NECAB2: variants seen among roughly 807,000 people sequenced by gnomAD.
NECAB2 encodes N-terminal EF-hand calcium-binding protein 2.
In NECAB2, 68 loss-of-function variants were observed where a neutral mutation model predicts 51.9. The ratio of observed to expected loss-of-function variants is 1.31; its 90% CI spans 1.08 to 1.60. NECAB2 has a LOEUF of 1.60. NECAB2 is among the 40% of genes most tolerant of loss of function. The pLI, the probability that NECAB2 is intolerant of heterozygous loss-of-function variation, is 0.00. For synonymous variants in NECAB2, 329 were observed against 203.5 expected (o/e 1.62, Z -5.25); for missense variants, 854 against 490.3 (o/e 1.74, Z -7.00).
At chr16:83,984,005 T>TG (rs1597208399) in intron 5 of NECAB2, among the ~76,000 whole-genome samples, 1 of 150,250 alleles carries the variant, frequency 6.7e-6, no homozygotes, top group African/African-American at 2.4e-5. Context: ...GGTTTTTTTT[T>TG]TTTTTTTTTT....
At chr16:84,001,788 C>T (rs761582131) in intron 11 of NECAB2, 37 bp from the exon 12 acceptor site, 6 of 1,609,948 alleles carry the variant, frequency 3.7e-6, no homozygotes, top group South Asian at 1.1e-5. Context: ...AGCTCCACTC[C>T]TGCCACCCCT....
chr16:83,998,388 G>C, intron 10 of NECAB2, 71 bp downstream of exon 10: 12 of 1,440,876 alleles, frequency 8.3e-6, no homozygotes, highest in South Asian at 1.2e-5. Context: ...GAACAGGGCA[G>C]GACTAGGCTT....
At chr16:83,975,898 C>A (rs544659955) in intron 2 of NECAB2, among the ~76,000 whole-genome samples, 4 of 152,164 alleles carry the variant, frequency 2.6e-5, no homozygotes, top group African/African-American at 9.7e-5. Context: ...TGGGGGCCTA[C>A]GTAGGGCATG....
Position 83,994,360 on chromosome 16 carries a change from C to T in NECAB2, c.655C>T (p.Pro219Ser), listed in dbSNP as rs1351534417. The part of the protein sequence containing the change: ...AAQTWCGSPT[P>S]ASAPNHKLMA... ...ACAGACCTGGTGTGGAAGCCCCACT[C>T]CCGCCTCTGCCCCCAACCACAAGCT... Residue 219 changes from proline (P) to serine (S), a missense_variant, in exon 7 of 13, where the codon CCC (proline) becomes TCC (serine). Pro to Ser is a moderately conservative substitution (Grantham distance 74). Coordinates refer to ENST00000305202, the MANE Select transcript of NECAB2 (RefSeq NM_019065.3). 7 of 1,614,202 alleles carry T rather than the reference C, an allele frequency of 4.3e-6. No individual in the cohort carries two copies. Among genetic ancestry groups the T allele is most frequent in the Non-Finnish European group, 5.9e-6 (7 of 1,180,038 alleles).
chr16:84,002,099 G>A (rs1220828836), intron 12 of NECAB2, among the ~76,000 whole-genome samples, 183 bp downstream of exon 12: 2 of 152,194 alleles, frequency 1.3e-5, no homozygotes, highest in Non-Finnish European at 2.9e-5. Flanking sequence ...ATGCCTGCCA[G>A]AGCTTGCACC....
chr16:84,000,322 G>C (rs1021650686), intron 10 of NECAB2, among the ~76,000 whole-genome samples: 2 of 150,020 alleles, frequency 1.3e-5, no homozygotes, highest in African/African-American at 2.5e-5. Flanking sequence ...CTGAGCCCAG[G>C]AGTTAAAGAC....
At chr16:84,000,391 AGTG>A (rs1222430607) in intron 10 of NECAB2, among the ~76,000 whole-genome samples, 1 of 151,222 alleles carries the variant, frequency 6.6e-6, no homozygotes, top group African/African-American at 2.5e-5. Context: ...AATTAGGCCG[AGTG>A]GTGCACTCCT....
At chr16:83,991,558 G>T (rs1459307402) in intron 6 of NECAB2, among the ~76,000 whole-genome samples, 2 of 151,100 alleles carry the variant, frequency 1.3e-5, no homozygotes, top group Non-Finnish European at 3.0e-5. Context: ...GTAGAGATGG[G>T]GTTTCACCAT....
At chr16:83,966,876 GT>G (rs990294189), upstream of NECAB2, among the ~76,000 whole-genome samples, 10 of 151,644 alleles carry the variant, frequency 6.6e-5, no homozygotes, top group Non-Finnish European at 8.8e-5. Context: ...TAGCAGTGCA[GT>G]TTTTTTTTCT....
At chr16:83,966,348 G>A, upstream of NECAB2, 1 of 342,646 alleles carries the variant, frequency 2.9e-6, no homozygotes, top group Non-Finnish European at 5.3e-6. Context: ...TGCGTCTGAG[G>A]ACTCTGTGCT....
chr16:84,000,848 G>T (rs540672557), intron 11 of NECAB2, 47 bp downstream of exon 11: 15 of 1,565,746 alleles, frequency 9.6e-6, no homozygotes, highest in East Asian at 6.9e-5. Flanking sequence ...AGAGGGAAGT[G>T]GGGGGGCTGT....
chr16:84,000,987 G>A (rs373725216), intron 11 of NECAB2, among the ~76,000 whole-genome samples, 186 bp downstream of exon 11: 4 of 151,402 alleles, frequency 2.6e-5, no homozygotes, highest in Non-Finnish European at 4.4e-5. Context: ...TTGGTGGGTA[G>A]TGAGAGCCCC....
At chr16:84,002,235 C>A in intron 12 of NECAB2, 83 bp from the exon 13 acceptor site, 1 of 1,520,800 alleles carries the variant, frequency 6.6e-7, no homozygotes, top group Non-Finnish European at 9.1e-7. Context: ...CATCCCCCGA[C>A]CTGTCATTCA....
intron 6 of NECAB2, among the ~76,000 whole-genome samples, chr16:83,992,035 A>G (rs1465183362): frequency 6.6e-6 from 1 of 152,168 alleles, no homozygotes; most frequent in African/African-American, 2.4e-5. Flanking sequence ...CCGTAAGTGA[A>G]GTAACTGTAA....
At position 84,001,793 on chromosome 16, in the gene NECAB2, A is replaced by C. The variant is rs2084841521; in HGVS notation, c.1041-32A>C. The C allele has an allele frequency of 2.5e-6, 4 of 1,611,538 alleles. No individual in the cohort carries two copies. The South Asian group carries it at 3.3e-5, about 13-fold the overall frequency. On this transcript the variant is annotated intron_variant, in intron 11 of 12. Coordinates refer to ENST00000305202, the MANE Select transcript of NECAB2 (RefSeq NM_019065.3). ...CCACACGCGGAGCTCCACTCCTGCCACCCCTGACTCACACATGTCCCTGCG... is the reference window on the plus strand; with the variant it reads ...CCACACGCGGAGCTCCACTCCTGCCCCCCCTGACTCACACATGTCCCTGCG...
intron 9 of NECAB2, among the ~76,000 whole-genome samples, chr16:83,997,556 C>T (rs559480954): frequency 1.5e-4 from 19 of 124,770 alleles, no homozygotes; most frequent in Admixed American, 5.2e-4. Context: ...GGTGGGATGT[C>T]GGCTTACTGC....
At chr16:83,965,827 G>C (rs1422308182), upstream of NECAB2, 1 of 1,613,048 alleles carries the variant, frequency 6.2e-7, no homozygotes, top group South Asian at 1.1e-5. Context: ...ATCCTGACCA[G>C]CCGCTGAGCG....
chr16:83,974,262 G>A (rs144307683), intron 2 of NECAB2, among the ~76,000 whole-genome samples: 3 of 152,226 alleles, frequency 2.0e-5, no homozygotes, highest in Non-Finnish European at 2.9e-5. Context: ...GCCGCGTACC[G>A]GCTCTGGCCT....
intron 7 of NECAB2, 25 bp from the exon 8 acceptor site, chr16:83,994,584 C>A: frequency 6.2e-7 from 1 of 1,613,846 alleles, no homozygotes; most frequent in South Asian, 1.1e-5. Context: ...CCACTGAAGT[C>A]TGTGTGTCTC....
Sources: allele counts gnomAD v4.1 joint callset (sites outside exome capture counted in the v4.1 genomes callset), GRCh38; gene constraint gnomAD v4.1.1; transcripts MANE v1.5; gene names NCBI Gene and HGNC (gene_info 2026-07-23, HGNC 2026-07-21).